PARP4: variants seen among roughly 807,000 people sequenced by gnomAD.
The protein encoded by PARP4 is poly(ADP-ribose) polymerase family member 4.
In PARP4, 120 loss-of-function variants were observed where a neutral mutation model predicts 187.7. The ratio of observed to expected loss-of-function variants is 0.64; its 90% confidence interval spans 0.55 to 0.74. PARP4 has a LOEUF of 0.74. Among genes scored for constraint, PARP4 ranks in the 30% least tolerant of loss-of-function variants. The probability of loss-of-function intolerance (pLI) is 0.00; values close to 1 mark genes in which losing one functional copy is unlikely to be tolerated. For synonymous variants in PARP4, 654 were observed against 740.9 expected (o/e 0.88, Z 1.90); for missense variants, 1,836 against 2,070.5 (o/e 0.89, Z 2.20).
At chr13:24,493,836 T>C in intron 7 of PARP4, 103 bp from the exon 8 acceptor site, 1 of 1,145,588 alleles carries the variant, frequency 8.7e-7, no homozygotes, top group Admixed American at 1.9e-5. Flanking sequence ...AATAATTGAT[T>C]AGAGCCCAGG....
At position 24,434,458 on chromosome 13, in the gene PARP4, TA is replaced by T; in HGVS notation, c.4682del (p.Ile1561LysfsTer36). The stretch of plus-strand genomic sequence containing the variant: ...CATCCTGCCAGTGTTGTATGCACAC[TA>T]TTTCATCCTCTTCTTTTACTTCCAG... ...CFLEVKEEDE[I>X]VCIQHWQDAV... On this transcript the variant is annotated frameshift_variant, in exon 31 of 34. Coordinates refer to ENST00000381989, the MANE Select transcript of PARP4 (RefSeq NM_006437.4). LOFTEE classifies it high-confidence loss of function. The T allele has an allele frequency of 1.9e-6, 3 of 1,609,166 alleles. No individual in the cohort carries two copies. Among genetic ancestry groups the T allele is most frequent in the Non-Finnish European group, 1.7e-6 (2 of 1,176,634 alleles).
chr13:24,471,081 G>A (rs1458303125), intron 15 of PARP4, among the ~76,000 whole-genome samples: 1 of 152,162 alleles, frequency 6.6e-6, no homozygotes, highest in Non-Finnish European at 1.5e-5. Flanking sequence ...GAGTGTGCCT[G>A]GTGAGGAGGC....
At chr13:24,462,933 G>A (rs1351378899) in intron 17 of PARP4, among the ~76,000 whole-genome samples, 2 of 152,160 alleles carry the variant, frequency 1.3e-5, no homozygotes, top group African/African-American at 4.8e-5. Flanking sequence ...ATGTATTGAA[G>A]TCTCAGAAGG....
In PARP4 at chr13:24,425,603, ATC is replaced by A. The variant is rs200718666; in HGVS notation, c.4979+861_4979+862del. ...TATCTATATCTATATCTATATCTAT[ATC>A]TATATATCTCAGAGGGATCCTACTC... On this transcript the variant is annotated intron_variant, in intron 33 of 33. Coordinates refer to ENST00000381989, the MANE Select transcript of PARP4 (RefSeq NM_006437.4). 1.3e-3 allele frequency among the ~76,000 whole-genome samples: 197 copies of A among 147,736 alleles called. 1 individual carries two copies. The highest frequency in any genetic ancestry group is 4.4e-3 in the African/African-American group (173 of 39,298).
chr13:24,451,497 G>A (rs1307872373), intron 24 of PARP4, among the ~76,000 whole-genome samples: 1 of 152,144 alleles, frequency 6.6e-6, no homozygotes, highest in Non-Finnish European at 1.5e-5. Context: ...GGGCCATGGA[G>A]GGGCATCGGG....
intron 9 of PARP4, among the ~76,000 whole-genome samples, chr13:24,491,104 G>T: frequency 6.6e-6 from 1 of 151,500 alleles, no homozygotes; most frequent in African/African-American, 2.4e-5. Context: ...TTCCCTCTTA[G>T]CAACACTCAT....
chr13:24,439,921 T>C (rs6490928), intron 30 of PARP4, among the ~76,000 whole-genome samples: 60,355 of 152,042 alleles, frequency 0.4, 12,233 homozygotes, highest in African/African-American at 0.46. Flanking sequence ...TCCGGACCAG[T>C]GTGGGAGCCC....
At chr13:24,431,858 T>C (rs1483158599) in intron 31 of PARP4, among the ~76,000 whole-genome samples, 4 of 152,218 alleles carry the variant, frequency 2.6e-5, no homozygotes, top group Non-Finnish European at 5.9e-5. Flanking sequence ...GTGGCACTTA[T>C]AAAAAGTGTG....
At chr13:24,505,317 G>A (rs1869569732) in intron 1 of PARP4, among the ~76,000 whole-genome samples, 1 of 152,140 alleles carries the variant, frequency 6.6e-6, no homozygotes, top group Non-Finnish European at 1.5e-5. Flanking sequence ...GTATGGGCGG[G>A]AGGGGTCTGG....
chr13:24,455,506 T>TATATATATATATATATATATAACACA (rs1555234626), intron 21 of PARP4, among the ~76,000 whole-genome samples: 1 of 135,452 alleles, frequency 7.4e-6, no homozygotes, highest in Non-Finnish European at 1.6e-5. Flanking sequence ...TATATATATA[T>TATATATATATATATATATATAACACA]CACACTATTC....
At chr13:24,497,204 T>TC (rs36023741) in intron 6 of PARP4, among the ~76,000 whole-genome samples, 30,663 of 152,144 alleles carry the variant, frequency 0.2, 3,932 homozygotes, top group East Asian at 0.38. Flanking sequence ...AGGGCAAAGG[T>TC]ATGGCCTCTG....
intron 33 of PARP4, among the ~76,000 whole-genome samples, chr13:24,426,217 G>A (rs1870041584): frequency 6.6e-6 from 1 of 152,128 alleles, no homozygotes; most frequent in Admixed American, 6.5e-5. Context: ...CCAGAGCCCA[G>A]AAGCGCCAGC....
chr13:24,472,114 T>C (rs1216831297), intron 15 of PARP4, among the ~76,000 whole-genome samples: 2 of 152,228 alleles, frequency 1.3e-5, no homozygotes, highest in Non-Finnish European at 2.9e-5. Context: ...GGCTTTATCA[T>C]ATTGTTTGTC....
intron 15 of PARP4, among the ~76,000 whole-genome samples, 159 bp from the exon 16 acceptor site, chr13:24,470,184 G>A (rs868517137): frequency 2.0e-4 from 31 of 152,186 alleles, no homozygotes; most frequent in African/African-American, 6.8e-4. Flanking sequence ...CTGCAATGGA[G>A]AGCCCATGTC....
At chr13:24,428,832 A>T (rs1459394641) in intron 32 of PARP4, among the ~76,000 whole-genome samples, 2 of 152,182 alleles carry the variant, frequency 1.3e-5, no homozygotes, top group Non-Finnish European at 2.9e-5. Context: ...TTTTGTATTT[A>T]TAGTGCTTGG....
At chr13:24,497,071 C>T (rs554903253) in intron 6 of PARP4, among the ~76,000 whole-genome samples, 12 of 150,798 alleles carry the variant, frequency 8.0e-5, no homozygotes, top group South Asian at 2.1e-4. Context: ...TGAATGTCTA[C>T]TTGAGAAGGC....
intron 33 of PARP4, among the ~76,000 whole-genome samples, chr13:24,425,587 C>CTA (rs1221189762): frequency 3.5e-4 from 41 of 118,486 alleles, no homozygotes; most frequent in African/African-American, 1.5e-3. Context: ...ATATCTATAT[C>CTA]TATATCTATA....
chr13:24,440,173 C>T (rs1482069328), intron 30 of PARP4, among the ~76,000 whole-genome samples: 5 of 151,956 alleles, frequency 3.3e-5, no homozygotes, highest in Admixed American at 6.6e-5. Flanking sequence ...TTTGGGAGGC[C>T]GAGGCGGGTG....
intron 27 of PARP4, 151 bp from the exon 28 acceptor site, chr13:24,443,881 T>A: frequency 1.7e-6 from 1 of 594,116 alleles, no homozygotes; most frequent in Non-Finnish European, 3.0e-6. Flanking sequence ...AAGGGATGTA[T>A]ACAGTTGTGT....
Sources: allele counts gnomAD v4.1 joint callset (sites outside exome capture counted in the v4.1 genomes callset), GRCh38; gene constraint gnomAD v4.1.1; transcripts MANE v1.5; gene names NCBI Gene and HGNC (gene_info 2026-07-23, HGNC 2026-07-21).